Variants in PPFIBP2 observed in about 807,000 individuals in gnomAD.
PPFIBP2 encodes the protein PPFIB scaffold protein 2.
Under a neutral mutation model 118.3 loss-of-function variants are expected in PPFIBP2, and 118 were observed. The ratio of observed to expected loss-of-function variants is 1.00; its 90% CI spans 0.86 to 1.16. The LOEUF (loss-of-function observed/expected upper bound fraction) is 1.16, where lower values mean the gene tolerates loss of function less well. Ranked by LOEUF, PPFIBP2 falls within the 50% of genes most tolerant of loss-of-function variation. The pLI, the probability that PPFIBP2 is intolerant of heterozygous loss-of-function variation, is 0.00. For synonymous variants in PPFIBP2, 414 were observed against 397.4 expected (o/e 1.04, Z -0.50); for missense variants, 1,195 against 1,073.1 (o/e 1.11, Z -1.59).
downstream of PPFIBP2, chr11:7,656,962 C>A (rs1854743665): frequency 4.7e-6 from 2 of 426,594 alleles, no homozygotes; most frequent in Non-Finnish European, 8.8e-6. Context: ...GGACAGGTGT[C>A]CAGGGGTGGC....
intron 14 of PPFIBP2, among the ~76,000 whole-genome samples, chr11:7,636,649 T>C (rs1265947756): frequency 3.3e-5 from 5 of 152,160 alleles, no homozygotes; most frequent in Non-Finnish European, 4.4e-5. Context: ...ACCTGCTCCT[T>C]TGGAAACACA....
In PPFIBP2 at chr11:7,529,943, G is replaced by C. The variant is rs148140057; in HGVS notation, c.-37+15822G>C. 2.0e-5 allele frequency among the ~76,000 whole-genome samples: 3 copies of C among 152,356 alleles called. No individual in the cohort carries two copies. The East Asian group carries it at 5.8e-4, about 29-fold the overall frequency. On this transcript the variant is annotated intron_variant, in intron 1 of 23. Transcript: ENST00000299492. The stretch of plus-strand genomic sequence containing the variant: ...CTGCTAGAGAGACGCAGAAAACCTG[G>C]AGCATGTGTGCTGTTTGAGCTGCTG...
chr11:7,646,219 C>T (rs192652610), intron 17 of PPFIBP2, among the ~76,000 whole-genome samples: 5 of 152,222 alleles, frequency 3.3e-5, no homozygotes, highest in African/African-American at 7.2e-5. Flanking sequence ...CATGTACTGC[C>T]GCAAGGACAT....
chr11:7,560,755 C>T (rs902182294), intron 2 of PPFIBP2, among the ~76,000 whole-genome samples: 1 of 152,188 alleles, frequency 6.6e-6, no homozygotes, highest in Non-Finnish European at 1.5e-5. Flanking sequence ...TGTCTATTAA[C>T]AGTGTATGAG....
At chr11:7,638,177 G>T (rs187352304) in intron 14 of PPFIBP2, among the ~76,000 whole-genome samples, 10 of 152,336 alleles carry the variant, frequency 6.6e-5, no homozygotes, top group African/African-American at 2.4e-4. Flanking sequence ...TGTGCTTCCA[G>T]AGGGACTGAA....
the PPFIBP2 span, chr11:7,666,046 G>A: frequency 1.3e-6 from 1 of 791,960 alleles, no homozygotes; most frequent in Non-Finnish European, 2.1e-6. Flanking sequence ...CAGCTGTCTG[G>A]GGGCTCAGCA....
Position 7,649,206 on chromosome 11 carries a change from G to C in PPFIBP2, c.1969G>C (p.Asp657His), listed in dbSNP as rs764260986. 36 of 1,613,970 alleles carry C rather than the reference G, an allele frequency of 2.2e-5. No individual in the cohort carries two copies. Among genetic ancestry groups the C allele is most frequent in the Non-Finnish European group, 1.7e-6 (2 of 1,179,966 alleles). ...YKDQFHESRV[D>H]RRMLQYLTVN... is the part of the protein sequence containing the mutation. ...AGACCAGTTTCATGAATCTAGAGTT[G>C]ACAGACGAATGCTGCAATACCTAAC... The change falls in exon 20 of 24, where the codon GAC becomes CAC. Residue 657 changes from aspartate (D) to histidine (H), a missense_variant. Coordinates refer to ENST00000299492, the MANE Select transcript of PPFIBP2 (RefSeq NM_003621.5).
rs1393311369 is a variant in PPFIBP2 at position 7,642,373 on chromosome 11, G to C, written c.1593G>C (p.Arg531=). 11 of 1,614,034 alleles carry C rather than the reference G, an allele frequency of 6.8e-6. No homozygotes were observed. Among genetic ancestry groups the C allele is most frequent in the Non-Finnish European group, 9.3e-6 (11 of 1,179,976 alleles). The change falls in exon 17 of 24, where the codon CGG becomes CGC. Residue 531 remains arginine, a synonymous_variant. Transcript: ENST00000299492. ...GMAEFRRGGL[R]ATAGPRLSRT... is the part of the protein sequence containing the mutation. ...CAGAGTTTCGACGAGGTGGGCTCCGGGCAACCGCAGGGCCAAGACTCTCTA... is the reference window on the plus strand; with the variant it reads ...CAGAGTTTCGACGAGGTGGGCTCCGCGCAACCGCAGGGCCAAGACTCTCTA...
chr11:7,649,565 C>A lies in PPFIBP2; in HGVS notation c.2032C>A (p.Leu678Ile). 1 of 1,614,210 alleles carries A rather than the reference C, an allele frequency of 6.2e-7. No individual in the cohort carries two copies. The highest frequency in any genetic ancestry group is 8.5e-7 in the Non-Finnish European group (1 of 1,180,036). ...DLLFLKVTSQLHHLSIKCAIH... is the reference protein window; with the variant it reads ...DLLFLKVTSQIHHLSIKCAIH... ...ACTCTTCTTAAAAGTCACCAGCCAA[C>A]TACATCATCTCAGCATCAAATGTGC... The change falls in exon 21 of 24, where the codon CTA (leucine) becomes ATA (isoleucine). Residue 678 changes from leucine to isoleucine, a missense_variant. Physicochemically the swap from Leu to Ile is conservative, Grantham distance 5 (BLOSUM62 2). Coordinates refer to ENST00000299492, the MANE Select transcript of PPFIBP2 (RefSeq NM_003621.5).
At chr11:7,588,488 T>C (rs1372741704) in intron 3 of PPFIBP2, among the ~76,000 whole-genome samples, 2 of 152,232 alleles carry the variant, frequency 1.3e-5, no homozygotes, top group Non-Finnish European at 2.9e-5. Context: ...TGTTAATTGC[T>C]CAAGCTGCAC....
rs747756780 is a variant in PPFIBP2, at chr11:7,577,544, AG to A, written c.279+11780del. Reference sequence around the variant, plus strand: ...AGAGAACTGGTCTCCAGCCAGGAAAAGGGCTTTTTCCACCAAGGCATCTAAC... The same window carrying A: ...AGAGAACTGGTCTCCAGCCAGGAAAAGGCTTTTTCCACCAAGGCATCTAAC... On this transcript the variant is annotated intron_variant, in intron 3 of 23. Coordinates refer to ENST00000299492, the MANE Select transcript of PPFIBP2 (RefSeq NM_003621.5). 7.7e-5 allele frequency: 35 copies of A among 456,612 alleles called. 1 individual carries two copies. The highest frequency in any genetic ancestry group is 4.6e-4 in the South Asian group (30 of 64,560). The allele number at this position is 456,612 out of a possible 1,614,324, so 28.3% of individuals were successfully genotyped here. A position where few individuals can be genotyped will look rare whatever the true frequency, so the allele number is the denominator to read the frequency against.
intron 2 of PPFIBP2, among the ~76,000 whole-genome samples, chr11:7,562,128 AGGAGGC>A (rs1854366475): frequency 6.6e-6 from 1 of 152,236 alleles, no homozygotes; most frequent in South Asian, 2.1e-4. Context: ...GTGATCTGAC[AGGAGGC>A]GGAGCTCAGG....
chr11:7,538,670 A>C (rs1489540423), intron 1 of PPFIBP2, among the ~76,000 whole-genome samples: 1 of 152,234 alleles, frequency 6.6e-6, no homozygotes, highest in Non-Finnish European at 1.5e-5. Context: ...ACTAGGCTCC[A>C]GCACAAATGT....
chr11:7,645,032 A>C lies in PPFIBP2; in HGVS notation c.1646+2606A>C, dbSNP rs1287261159. 3.3e-4 allele frequency among the ~76,000 whole-genome samples: 17 copies of C among 52,134 alleles called. 1 individual carries two copies. Among genetic ancestry groups the C allele is most frequent in the Non-Finnish European group, 4.3e-4 (13 of 29,994 alleles). 34.2% of individuals were successfully genotyped at this position (52,134 alleles called of 152,430 possible). A position where few individuals can be genotyped will look rare whatever the true frequency, so the allele number is the denominator to read the frequency against. On this transcript the variant is annotated intron_variant, in intron 17 of 23. Coordinates refer to ENST00000299492, the MANE Select transcript of PPFIBP2 (RefSeq NM_003621.5). ...ACAGAGCAAGACTCCGTCTCAAAAA[A>C]AAAAAAAAAAAAAAAAAAAAAAAAA... is the stretch of plus-strand genomic sequence containing the variant.
intron 2 of PPFIBP2, among the ~76,000 whole-genome samples, chr11:7,559,727 T>A (rs1006439786): frequency 9.2e-5 from 14 of 152,150 alleles, no homozygotes; most frequent in African/African-American, 3.4e-4. Flanking sequence ...TTTCTTTCTA[T>A]AGGGGTCTCA....
At position 7,642,819 on chromosome 11, in the gene PPFIBP2, T is replaced by A. The variant is rs1399731610; in HGVS notation, c.1646+393T>A. On this transcript the variant is annotated intron_variant, in intron 17 of 23. Coordinates refer to ENST00000299492, the MANE Select transcript of PPFIBP2 (RefSeq NM_003621.5). The stretch of plus-strand genomic sequence containing the variant: ...AGAAATAATATAGTCTAGATTCCAA[T>A]TAAGGAAGAAAAGCATTTCCCTAAA... 2.6e-5 allele frequency among the ~76,000 whole-genome samples: 4 copies of A among 152,212 alleles called. No homozygotes were observed. The East Asian group carries it at 7.7e-4, about 29-fold the overall frequency.
intron 3 of PPFIBP2, among the ~76,000 whole-genome samples, chr11:7,578,208 T>C (rs1457772739): frequency 6.6e-6 from 1 of 152,230 alleles, no homozygotes; most frequent in Non-Finnish European, 1.5e-5. Context: ...GTGTGTGGTA[T>C]GAGCAAGGAA....
chr11:7,570,164 G>C (rs958592423), intron 3 of PPFIBP2, among the ~76,000 whole-genome samples: 1 of 151,980 alleles, frequency 6.6e-6, no homozygotes, highest in East Asian at 1.9e-4. Context: ...CTGGTGGTTA[G>C]TGGCATAGAT....
intron 2 of PPFIBP2, among the ~76,000 whole-genome samples, chr11:7,556,153 G>A (rs1036653837): frequency 2.0e-5 from 3 of 152,134 alleles, no homozygotes; most frequent in Non-Finnish European, 2.9e-5. Flanking sequence ...TTTAAACTAC[G>A]ATTAAATTTC....
Sources: gnomAD v4.1 joint callset for allele counts (sites outside exome capture counted in the v4.1 genomes callset) on GRCh38, gnomAD v4.1.1 for gene constraint, MANE v1.5 for transcripts, NCBI Gene and HGNC (gene_info 2026-07-23, HGNC 2026-07-21) for gene names.